The following AGBL4 variants were observed in gnomAD, a reference collection of about 807,000 sequenced individuals.
AGBL4 encodes cytosolic carboxypeptidase 6.
AGBL4 carries 58 observed loss-of-function variants against 66.4 expected under a neutral mutation model. The ratio of observed to expected loss-of-function variants is 0.87; its 90% confidence interval spans 0.71 to 1.09. The LOEUF (loss-of-function observed/expected upper bound fraction) is 1.09, where lower values mean the gene tolerates loss of function less well. Ranked by LOEUF, AGBL4 falls within the 50% of genes least tolerant of loss-of-function variation. The probability of loss-of-function intolerance (pLI) is 0.00; values close to 1 mark genes in which losing one functional copy is unlikely to be tolerated. For missense variants in AGBL4, 579 were observed against 631.0 expected, an observed-to-expected ratio of 0.92 and a Z score of 0.88; for synonymous variants, 234 against 222.9, an observed-to-expected ratio of 1.05 and a Z score of -0.44.
In AGBL4 at chr1:49,550,417, G is replaced by C. The variant is rs570203762; in HGVS notation, c.282+146896C>G. On this transcript the variant is annotated intron_variant, in intron 3 of 13. Coordinates refer to ENST00000371839, the MANE Select transcript of AGBL4 (RefSeq NM_032785.4). ...AGTCCTGTGTGATTTATGCTTTAAAGAGGTTCTGTTTTGATGTGTTTCTAG... is the reference window on the plus strand; with the variant it reads ...AGTCCTGTGTGATTTATGCTTTAAACAGGTTCTGTTTTGATGTGTTTCTAG... Among the ~76,000 whole-genome samples, 17 of 152,278 alleles carry C rather than the reference G, an allele frequency of 1.1e-4. 1 individual carries two copies. In the South Asian group the frequency reaches 3.1e-3, roughly 28 times the overall value.
intron 2 of AGBL4, among the ~76,000 whole-genome samples, chr1:49,746,974 A>G (rs1359512776): frequency 6.6e-6 from 1 of 152,126 alleles, no homozygotes; most frequent in Non-Finnish European, 1.5e-5. Context: ...CCCCTGATAA[A>G]AGATAACAAG....
intron 3 of AGBL4, among the ~76,000 whole-genome samples, chr1:49,282,733 C>A (rs1410461614): frequency 2.0e-5 from 3 of 152,152 alleles, no homozygotes; most frequent in African/African-American, 7.2e-5. Flanking sequence ...CAGGGAGTTC[C>A]CTTTACGAGT....
intron 1 of AGBL4, among the ~76,000 whole-genome samples, chr1:49,880,496 T>C (rs1370215697): frequency 6.6e-6 from 1 of 152,118 alleles, no homozygotes; most frequent in African/African-American, 2.4e-5. Context: ...AGGGACCCAC[T>C]TGAGGAGGCA....
intron 3 of AGBL4, among the ~76,000 whole-genome samples, chr1:49,314,232 T>A (rs1644996444): frequency 6.6e-6 from 1 of 152,152 alleles, no homozygotes; most frequent in South Asian, 2.1e-4. Flanking sequence ...TCTATGTATC[T>A]GTTACTTTTT....
At chr1:49,717,480 G>A (rs1226732910) in intron 2 of AGBL4, among the ~76,000 whole-genome samples, 1 of 151,608 alleles carries the variant, frequency 6.6e-6, no homozygotes, top group Non-Finnish European at 1.5e-5. Context: ...CACTTTACTT[G>A]GCTTCCTTCA....
chr1:49,543,385 T>C (rs981565167), intron 3 of AGBL4, among the ~76,000 whole-genome samples: 15 of 152,094 alleles, frequency 9.9e-5, no homozygotes, highest in African/African-American at 3.4e-4. Flanking sequence ...CCTTTCACTT[T>C]GTTGTAGGTA....
intron 8 of AGBL4, among the ~76,000 whole-genome samples, chr1:48,636,023 C>A (rs2148417046): frequency 6.6e-6 from 1 of 152,314 alleles, no homozygotes; most frequent in Middle Eastern, 3.4e-3. Context: ...TTTAGCATTT[C>A]CCCACTGTGG....
intron 5 of AGBL4, among the ~76,000 whole-genome samples, chr1:48,928,168 T>G (rs939940505): frequency 6.6e-6 from 1 of 152,192 alleles, no homozygotes; most frequent in Non-Finnish European, 1.5e-5. Context: ...GATGGGGAAG[T>G]CAGCACACTG....
intron 3 of AGBL4, among the ~76,000 whole-genome samples, chr1:49,379,742 G>A (rs1644554029): frequency 6.6e-6 from 1 of 152,050 alleles, no homozygotes; most frequent in Non-Finnish European, 1.5e-5. Flanking sequence ...CTTGATCATG[G>A]TGGATAAGCT....
chr1:48,749,920 A>G (rs1651406729), intron 6 of AGBL4, among the ~76,000 whole-genome samples: 1 of 152,170 alleles, frequency 6.6e-6, no homozygotes, highest in South Asian at 2.1e-4. Context: ...TTGGGGGGCT[A>G]AGGAGTTGTG....
At chr1:49,860,957 A>G (rs1412145663) in intron 1 of AGBL4, among the ~76,000 whole-genome samples, 1 of 152,136 alleles carries the variant, frequency 6.6e-6, no homozygotes, top group Admixed American at 6.6e-5. Flanking sequence ...CAACCCAGGC[A>G]GCTACAGAGT....
chr1:49,254,088 T>C (rs1276022041), intron 3 of AGBL4, among the ~76,000 whole-genome samples: 1 of 152,138 alleles, frequency 6.6e-6, no homozygotes, highest in African/African-American at 2.4e-5. Context: ...CTGGAAGCAT[T>C]TCCCTTGAAA....
chr1:49,950,015 C>CATATGTATAT lies in AGBL4; in HGVS notation c.34+73747_34+73748insATATACATAT, dbSNP rs1413543248. On this transcript the variant is annotated intron_variant, in intron 1 of 13. Coordinates refer to ENST00000371839, the MANE Select transcript of AGBL4 (RefSeq NM_032785.4). ...ATATATGTGTATATATATATACACA[C>CATATGTATAT]ACATATGTGTGTGTGTGTATATATA... Among the ~76,000 whole-genome samples, 33 of 43,812 alleles carry CATATGTATAT rather than the reference C, an allele frequency of 7.5e-4. 1 individual carries two copies. Among genetic ancestry groups the CATATGTATAT allele is most frequent in the South Asian group, 3.5e-3 (2 of 566 alleles). The allele number at this position is 43,812 out of a possible 152,430, so 28.7% of individuals were successfully genotyped here.
intron 3 of AGBL4, among the ~76,000 whole-genome samples, chr1:49,466,767 C>T (rs901912329): frequency 2.0e-5 from 3 of 151,740 alleles, no homozygotes; most frequent in African/African-American, 7.3e-5. Flanking sequence ...GGTTCGTATC[C>T]TCATTACAGA....
intron 4 of AGBL4, among the ~76,000 whole-genome samples, chr1:49,068,743 C>T (rs1416357818): frequency 6.6e-6 from 1 of 152,158 alleles, no homozygotes. Flanking sequence ...TGGGTATATA[C>T]CCAGTAATGG....
At chr1:49,173,589 T>C (rs1005255074) in intron 4 of AGBL4, among the ~76,000 whole-genome samples, 12 of 152,214 alleles carry the variant, frequency 7.9e-5, no homozygotes, top group African/African-American at 2.7e-4. Flanking sequence ...GTTCACATTA[T>C]AGTGGGAAAA....
At chr1:49,145,692 C>T (rs1426689311) in intron 4 of AGBL4, among the ~76,000 whole-genome samples, 1 of 152,004 alleles carries the variant, frequency 6.6e-6, no homozygotes, top group Non-Finnish European at 1.5e-5. Flanking sequence ...ACTTCACGTG[C>T]CTAAGGTTCT....
At chr1:49,494,333 G>A (rs990324529) in intron 3 of AGBL4, among the ~76,000 whole-genome samples, 1 of 151,702 alleles carries the variant, frequency 6.6e-6, no homozygotes, top group African/African-American at 2.4e-5. Context: ...GTGCAGGTTA[G>A]TTACATATGT....
chr1:48,712,676 T>C (rs1239158994), intron 6 of AGBL4, among the ~76,000 whole-genome samples: 2 of 152,082 alleles, frequency 1.3e-5, no homozygotes, highest in African/African-American at 4.8e-5. Context: ...CAGTCACACC[T>C]GGCCTAGAGG....
Sources: gnomAD v4.1 joint callset for allele counts (sites outside exome capture counted in the v4.1 genomes callset) on GRCh38, gnomAD v4.1.1 for gene constraint, MANE v1.5 for transcripts, NCBI Gene and HGNC (gene_info 2026-07-23, HGNC 2026-07-21) for gene names.